The following DRC4 variants were observed in gnomAD, a reference collection of about 807,000 sequenced individuals.
The protein encoded by DRC4 is GAS-11.
At chr16:90,022,605 C>G in the DRC4 span, 1 of 1,202,976 alleles carries the variant, frequency 8.3e-7, no homozygotes, top group Non-Finnish European at 1.1e-6. Flanking sequence ...CCGGCGGAGT[C>G]TCGCGAGGAT....
At chr16:90,020,079 C>T in the DRC4 span, 2 of 652,818 alleles carry the variant, frequency 3.1e-6, no homozygotes, top group Non-Finnish European at 5.6e-6. Context: ...TGGGCCACTG[C>T]TTCTCTGTCC....
chr16:90,037,373 T>G, the DRC4 span: 1 of 1,613,630 alleles, frequency 6.2e-7, no homozygotes, highest in South Asian at 1.1e-5. Flanking sequence ...GCTCGCAAAC[T>G]ACGAGAGGGA....
the DRC4 span, chr16:90,019,903 G>T: frequency 2.9e-6 from 2 of 678,606 alleles, no homozygotes; most frequent in East Asian, 2.7e-5. This position sits in a 1 kb window ranked among gnomAD's most constrained non-coding sequence, Gnocchi z 6.1. Flanking sequence ...CGCGGGGGGC[G>T]GGTGGGGGCG....
chr16:90,023,351 G>T, the DRC4 span, among the ~76,000 whole-genome samples: 1 of 152,188 alleles, frequency 6.6e-6, no homozygotes, highest in African/African-American at 2.4e-5. Flanking sequence ...GGCGGAGCTC[G>T]TGGCCTCATC....
At chr16:90,028,937 C>G in the DRC4 span, 1 of 1,300,262 alleles carries the variant, frequency 7.7e-7, no homozygotes, top group Non-Finnish European at 1.0e-6. Flanking sequence ...ATTTTACATG[C>G]AGGCAAACCA....
At chr16:90,025,962 G>A in the DRC4 span, among the ~76,000 whole-genome samples, 6 of 151,508 alleles carry the variant, frequency 4.0e-5, no homozygotes, top group Non-Finnish European at 5.9e-5. Flanking sequence ...TTTTAAAAAC[G>A]TTACATAGCT....
the DRC4 span, among the ~76,000 whole-genome samples, chr16:90,034,554 G>A: frequency 2.0e-5 from 3 of 152,070 alleles, no homozygotes; most frequent in Admixed American, 6.5e-5. Flanking sequence ...CCTGGGAGAC[G>A]GAGGTTGCGG....
chr16:90,037,250 C>A, the DRC4 span: 2 of 1,610,956 alleles, frequency 1.2e-6, no homozygotes, highest in African/African-American at 1.3e-5. Context: ...GGAGGACATG[C>A]GGAAGAAGGA....
At chr16:90,023,170 C>G in the DRC4 span, among the ~76,000 whole-genome samples, 1 of 152,212 alleles carries the variant, frequency 6.6e-6, no homozygotes, top group African/African-American at 2.4e-5. Context: ...GACCTTTGGT[C>G]TCCCGGATGG....
the DRC4 span, chr16:90,044,274 C>A: frequency 6.8e-6 from 3 of 440,758 alleles, no homozygotes; most frequent in African/African-American, 6.1e-5. Context: ...GGCCCAGCCT[C>A]CCCACAAAGC....
At chr16:90,022,669 C>G in the DRC4 span, 17 of 1,413,518 alleles carry the variant, frequency 1.2e-5, no homozygotes, top group South Asian at 2.3e-4. Flanking sequence ...GCGTGGCTTC[C>G]GGGGGCGGGC....
chr16:90,028,859 TGAAA>T, the DRC4 span: 1 of 1,004,186 alleles, frequency 1.0e-6, no homozygotes, highest in Admixed American at 2.8e-5. Context: ...CGAAGGAGAC[TGAAA>T]GAGTCTCATG....
chr16:90,037,376 G>C, the DRC4 span: 1 of 1,613,588 alleles, frequency 6.2e-7, no homozygotes. Flanking sequence ...CGCAAACTAC[G>C]AGAGGGACAA....
At chr16:90,042,524 C>G in the DRC4 span, 1 of 1,613,716 alleles carries the variant, frequency 6.2e-7, no homozygotes, top group Non-Finnish European at 8.5e-7. Flanking sequence ...TGAGCTGGCC[C>G]AGGTCTGTAA....
the DRC4 span, chr16:90,043,881 C>G: frequency 2.2e-6 from 1 of 458,356 alleles, no homozygotes; most frequent in Admixed American, 2.4e-5. Flanking sequence ...CGTGCGGGAA[C>G]GGGCAGGCAG....
the DRC4 span, among the ~76,000 whole-genome samples, chr16:90,034,523 GA>G: frequency 6.6e-6 from 1 of 152,112 alleles, no homozygotes; most frequent in Non-Finnish European, 1.5e-5. Flanking sequence ...TCGGGACGCT[GA>G]GGCAGAAGAA....
At chr16:90,044,232 C>G in the DRC4 span, 1 of 452,128 alleles carries the variant, frequency 2.2e-6, no homozygotes, top group Non-Finnish European at 4.4e-6. Context: ...AGATGAAAAC[C>G]TCTGTCAACA....
the DRC4 span, chr16:90,044,472 C>A: frequency 2.1e-6 from 1 of 470,222 alleles, no homozygotes; most frequent in Non-Finnish European, 4.4e-6. Flanking sequence ...TCATGAGCCT[C>A]AGCCCCCTCC....
the DRC4 span, chr16:90,036,810 T>G: frequency 1.5e-6 from 1 of 670,942 alleles, no homozygotes. Context: ...CTCACCGTAG[T>G]GCAGAGGGGG....
Sources: gnomAD v4.1 joint callset for allele counts (sites outside exome capture counted in the v4.1 genomes callset) on GRCh38, gnomAD v4.1.1 for gene constraint, Gnocchi (gnomAD v3.1) non-coding constraint, MANE v1.5 for transcripts, NCBI Gene and HGNC (gene_info 2026-07-23, HGNC 2026-07-21) for gene names.